The following AKR1D1 variants were observed in gnomAD, a reference collection of about 807,000 sequenced individuals.
The protein encoded by AKR1D1 is aldo-keto reductase family 1 member D1.
Under a neutral mutation model 42.6 loss-of-function variants are expected in AKR1D1, and 32 were observed. The ratio of observed to expected loss-of-function variants is 0.75; its 90% CI spans 0.57 to 1.01. The LOEUF is 1.01. Ranked by LOEUF, AKR1D1 falls within the 50% of genes least tolerant of loss-of-function variation. The probability of loss-of-function intolerance (pLI) is 0.00; values close to 1 mark genes in which losing one functional copy is unlikely to be tolerated. For synonymous variants in AKR1D1, 123 were observed against 135.5 expected, an observed-to-expected ratio of 0.91 and a Z score of 0.64; for missense variants, 364 against 402.2, an observed-to-expected ratio of 0.91 and a Z score of 0.81.
intron 4 of AKR1D1, among the ~76,000 whole-genome samples, chr7:138,101,263 A>C (rs902992134): frequency 5.8e-5 from 8 of 137,694 alleles, no homozygotes; most frequent in African/African-American, 2.2e-4. Flanking sequence ...GCAGTGGCGC[A>C]ATCTCAGCTC....
In AKR1D1 at chr7:138,080,455, G is replaced by T. The variant is rs7784563; in HGVS notation, c.93+3844G>T. ...TATGTAACTTGCCTTTAGGGTGGGGGTGCCAGATTTAGCAAGTAAAAATAT... is the reference window on the plus strand; with the variant it reads ...TATGTAACTTGCCTTTAGGGTGGGGTTGCCAGATTTAGCAAGTAAAAATAT... On this transcript the variant is annotated intron_variant, in intron 1 of 8. Transcript: ENST00000242375. 3.0e-4 allele frequency among the ~76,000 whole-genome samples: 46 copies of T among 152,282 alleles called. No individual in the cohort carries two copies. The East Asian group carries it at 7.9e-3, about 26-fold the overall frequency.
intron 2 of AKR1D1, 26 bp from the exon 3 acceptor site, chr7:138,091,742 T>C (rs759397465): frequency 6.6e-7 from 1 of 1,522,634 alleles, no homozygotes; most frequent in Non-Finnish European, 9.1e-7. Flanking sequence ...AGACATTAGT[T>C]AATTCTCCCT....
chr7:138,110,857 T>TA (rs1234549992), intron 7 of AKR1D1, among the ~76,000 whole-genome samples: 17 of 152,012 alleles, frequency 1.1e-4, no homozygotes, highest in Admixed American at 1.3e-4. Context: ...GTTAAAATTT[T>TA]AAAAAAAAGA....
chr7:138,103,150 T>C (rs1269332749), intron 4 of AKR1D1, among the ~76,000 whole-genome samples: 1 of 152,086 alleles, frequency 6.6e-6, no homozygotes, highest in Admixed American at 6.6e-5. Context: ...GCTCAGAAAT[T>C]TTGCCACATA....
At chr7:138,081,506 C>CTTTTTTTTTTT (rs61466734) in intron 1 of AKR1D1, among the ~76,000 whole-genome samples, 1 of 47,620 alleles carries the variant, frequency 2.1e-5, no homozygotes, top group African/African-American at 1.0e-4. Context: ...GAACTCCTAC[C>CTTTTTTTTTTT]TTTTTTTTTT....
intron 2 of AKR1D1, among the ~76,000 whole-genome samples, chr7:138,089,518 C>A (rs73729403): frequency 0.019 from 2,860 of 151,520 alleles, 105 homozygotes; most frequent in African/African-American, 0.066. Context: ...ATTATGCAAG[C>A]CTTTTGCTTA....
chr7:138,103,275 A>AGT (rs1273484561), intron 4 of AKR1D1, among the ~76,000 whole-genome samples: 2 of 151,320 alleles, frequency 1.3e-5, no homozygotes, highest in East Asian at 3.9e-4. Context: ...TTAAACTTAA[A>AGT]GTGTGTATTA....
chr7:138,115,887 A>T (rs764575346), intron 8 of AKR1D1, among the ~76,000 whole-genome samples: 18 of 152,162 alleles, frequency 1.2e-4, no homozygotes, highest in Non-Finnish European at 2.1e-4. Flanking sequence ...ACCTTTCTAG[A>T]TCTCAAACTC....
At chr7:138,089,594 G>C (rs1290821498) in intron 2 of AKR1D1, among the ~76,000 whole-genome samples, 1 of 152,124 alleles carries the variant, frequency 6.6e-6, no homozygotes, top group Admixed American at 6.6e-5. Flanking sequence ...CAAGGAAAAG[G>C]TGGTCAAAAC....
intron 4 of AKR1D1, among the ~76,000 whole-genome samples, chr7:138,100,624 C>G (rs1239758682): frequency 6.6e-6 from 1 of 150,628 alleles, no homozygotes; most frequent in East Asian, 1.9e-4. Flanking sequence ...AATAACAGAG[C>G]TTCAAAATAC....
At chr7:138,086,183 A>T (rs1325750219) in intron 1 of AKR1D1, among the ~76,000 whole-genome samples, 1 of 152,114 alleles carries the variant, frequency 6.6e-6, no homozygotes, top group East Asian at 1.9e-4. Context: ...AGCCTGGGTG[A>T]CGGAGACCCT....
At chr7:138,083,271 T>A (rs1330979565) in intron 1 of AKR1D1, among the ~76,000 whole-genome samples, 1 of 152,246 alleles carries the variant, frequency 6.6e-6, no homozygotes, top group Non-Finnish European at 1.5e-5. Context: ...ATTGTAGTTT[T>A]GATTTGCATT....
intron 5 of AKR1D1, among the ~76,000 whole-genome samples, chr7:138,105,928 A>G (rs75683044): frequency 4.2e-4 from 3 of 7,156 alleles, no homozygotes; most frequent in Non-Finnish European, 9.2e-4. Context: ...AAAATCAATG[A>G]AAAAAAATGA....
chr7:138,083,274 T>A (rs921688017), intron 1 of AKR1D1, among the ~76,000 whole-genome samples: 1 of 152,234 alleles, frequency 6.6e-6, no homozygotes, highest in Non-Finnish European at 1.5e-5. Context: ...GTAGTTTTGA[T>A]TTGCATTTCC....
chr7:138,104,050 G>T (rs905585865), intron 4 of AKR1D1, among the ~76,000 whole-genome samples: 2 of 151,908 alleles, frequency 1.3e-5, no homozygotes, highest in Non-Finnish European at 2.9e-5. Context: ...AAAGAGGGAG[G>T]ATCTCTTGAG....
chr7:138,087,142 C>T (rs938670781), intron 1 of AKR1D1, among the ~76,000 whole-genome samples: 5 of 152,124 alleles, frequency 3.3e-5, no homozygotes, highest in South Asian at 2.1e-4. Flanking sequence ...ATCAAGATGC[C>T]GGCAGGTTAG....
chr7:138,099,940 C>G (rs1434918928), intron 4 of AKR1D1, among the ~76,000 whole-genome samples: 1 of 150,160 alleles, frequency 6.7e-6, no homozygotes, highest in Non-Finnish European at 1.5e-5. Flanking sequence ...AGGAATATCA[C>G]GGGTGAGGTG....
chr7:138,112,129 C>A (rs952776633), intron 7 of AKR1D1, among the ~76,000 whole-genome samples: 1 of 152,086 alleles, frequency 6.6e-6, no homozygotes, highest in Non-Finnish European at 1.5e-5. Context: ...TGCATCTTTG[C>A]AAGGTTTGCA....
chr7:138,090,128 A>C (rs1383608276), intron 2 of AKR1D1, among the ~76,000 whole-genome samples: 1 of 152,218 alleles, frequency 6.6e-6, no homozygotes, highest in Non-Finnish European at 1.5e-5. Context: ...AAAGAAAGTA[A>C]AATAAATATC....
Sources: allele counts gnomAD v4.1 joint callset (sites outside exome capture counted in the v4.1 genomes callset), GRCh38; gene constraint gnomAD v4.1.1; transcripts MANE v1.5; gene names NCBI Gene and HGNC (gene_info 2026-07-23, HGNC 2026-07-21).